XPNPEP3: variants seen among roughly 807,000 people sequenced by gnomAD.
XPNPEP3 encodes xaa-Pro aminopeptidase 3.
In XPNPEP3, 41 loss-of-function variants were observed where a neutral mutation model predicts 60.0. The observed-to-expected ratio is 0.68, with a 90% CI of 0.53 to 0.89. The LOEUF (loss-of-function observed/expected upper bound fraction) is 0.89. Ranked by LOEUF, XPNPEP3 falls within the 40% of genes least tolerant of loss-of-function variation. XPNPEP3 has a pLI of 0.00. For missense variants in XPNPEP3, 598 were observed against 638.9 expected, an observed-to-expected ratio of 0.94 and a Z score of 0.69; for synonymous variants, 212 against 223.2, an observed-to-expected ratio of 0.95 and a Z score of 0.45.
chr22:40,894,993 C>G (rs1237129377), intron 4 of XPNPEP3, among the ~76,000 whole-genome samples: 3 of 152,146 alleles, frequency 2.0e-5, no homozygotes, highest in Non-Finnish European at 4.4e-5. Flanking sequence ...ATGATTATAG[C>G]CTATAATTCA....
chr22:40,881,205 A>G (rs2058046757), intron 2 of XPNPEP3, among the ~76,000 whole-genome samples: 1 of 151,700 alleles, frequency 6.6e-6, no homozygotes. Flanking sequence ...ACCACCACAC[A>G]TGGCTAATTT....
intron 6 of XPNPEP3, among the ~76,000 whole-genome samples, chr22:40,912,752 C>T (rs1321693234): frequency 2.0e-5 from 3 of 152,100 alleles, no homozygotes; most frequent in Non-Finnish European, 4.4e-5. Flanking sequence ...CGCCTGTAGT[C>T]CCAGCTACTC....
chr22:40,875,623 CTGTT>C (rs956114179), intron 2 of XPNPEP3, among the ~76,000 whole-genome samples: 81 of 151,932 alleles, frequency 5.3e-4, no homozygotes, highest in African/African-American at 1.2e-3. Flanking sequence ...GAGGATTTCC[CTGTT>C]TGTTTGTTTG....
chr22:40,886,038 C>G (rs562182793), intron 3 of XPNPEP3, among the ~76,000 whole-genome samples: 2 of 152,068 alleles, frequency 1.3e-5, no homozygotes, highest in African/African-American at 4.8e-5. Context: ...GCTTTAGTCC[C>G]GTATCATCCT....
At chr22:40,893,620 G>GT (rs1033952052) in intron 4 of XPNPEP3, among the ~76,000 whole-genome samples, 9 of 143,074 alleles carry the variant, frequency 6.3e-5, no homozygotes, top group African/African-American at 2.1e-4. Context: ...TTTCTTTTTT[G>GT]TTTTTTGTGT....
At chr22:40,919,200 GA>G (rs1474823531) in intron 7 of XPNPEP3, among the ~76,000 whole-genome samples, 3 of 152,118 alleles carry the variant, frequency 2.0e-5, no homozygotes, top group Non-Finnish European at 2.9e-5. Context: ...GTAGATTGGA[GA>G]CAGCAGAAGT....
At chr22:40,899,921 G>T (rs964569855) in intron 4 of XPNPEP3, among the ~76,000 whole-genome samples, 4 of 150,540 alleles carry the variant, frequency 2.7e-5, no homozygotes, top group African/African-American at 9.8e-5. Context: ...CTGTAATCCC[G>T]AATACTCGGG....
At chr22:40,910,832 C>T (rs753304334) in intron 6 of XPNPEP3, among the ~76,000 whole-genome samples, 9 of 151,840 alleles carry the variant, frequency 5.9e-5, no homozygotes, top group Non-Finnish European at 1.3e-4. Flanking sequence ...GGTGAAACCC[C>T]GTCTCTACTA....
chr22:40,899,811 C>CT (rs910393476), intron 4 of XPNPEP3, among the ~76,000 whole-genome samples: 22 of 120,340 alleles, frequency 1.8e-4, no homozygotes, highest in Middle Eastern at 4.9e-3. Context: ...GAGCGAGACT[C>CT]TATCTCAAAA....
rs764114832 is a variant in XPNPEP3, at chr22:40,893,505, CAAA to C, written c.792+7011_792+7013del. 2.0e-4 allele frequency among the ~76,000 whole-genome samples: 8 copies of C among 40,248 alleles called. 1 individual carries two copies. The highest frequency in any genetic ancestry group is 1.6e-3 in the Admixed American group (6 of 3,832). 26.4% of individuals were successfully genotyped at this position (40,248 alleles called of 152,430 possible). ...GGGCAATAAGAGTGAAACTCTATCTCAAAAAAAAAAAAAAAAAAAAAAAGATGC... is the reference window on the plus strand; with the variant it reads ...GGGCAATAAGAGTGAAACTCTATCTCAAAAAAAAAAAAAAAAAAAAGATGC... On this transcript the variant is annotated intron_variant, in intron 4 of 9. Transcript: ENST00000357137.
rs2057946631 is a variant in XPNPEP3, at chr22:40,861,507, A to G, written c.64+4262A>G. On this transcript the variant is annotated intron_variant, in intron 1 of 9. Transcript: ENST00000357137. ...GAAAGAAGTAAGGCCTTCATGCCCC[A>G]ATGAACCCTGTGATGTATATCCTGT... 1 of 1,614,074 alleles carries G rather than the reference A, an allele frequency of 6.2e-7. No homozygotes were observed. Among genetic ancestry groups the G allele is most frequent in the Non-Finnish European group, 8.5e-7 (1 of 1,180,042 alleles).
At chr22:40,862,778 T>G (rs1461590516) in intron 1 of XPNPEP3, 1 of 983,964 alleles carries the variant, frequency 1.0e-6, no homozygotes, top group East Asian at 1.1e-4. Flanking sequence ...ATGTATTCAC[T>G]GTATAATTAT....
At chr22:40,892,604 A>T (rs1012913840) in intron 4 of XPNPEP3, among the ~76,000 whole-genome samples, 4 of 152,178 alleles carry the variant, frequency 2.6e-5, no homozygotes, top group African/African-American at 9.7e-5. Flanking sequence ...GGAACATGAC[A>T]TGTTGTCGCC....
At chr22:40,889,097 C>T (rs1046592018) in intron 4 of XPNPEP3, among the ~76,000 whole-genome samples, 1 of 151,824 alleles carries the variant, frequency 6.6e-6, no homozygotes, top group African/African-American at 2.4e-5. Flanking sequence ...ATGGTGAGAT[C>T]ATAGCTTACT....
Position 40,861,849 on chromosome 22 carries a change from ACTT to A in XPNPEP3, c.64+4608_64+4610del, listed in dbSNP as rs548267827. The A allele has an allele frequency of 1.0e-4, 161 of 1,613,864 alleles. 1 individual carries two copies. In the East Asian group the frequency reaches 2.7e-3, roughly 27 times the overall value. ...TGATAATACCTCGTATGCCTCAGCT[ACTT>A]CTTTGAATTTTCTCTCTGCTTCTTC... On this transcript the variant is annotated intron_variant, in intron 1 of 9. Transcript: ENST00000357137.
intron 2 of XPNPEP3, among the ~76,000 whole-genome samples, chr22:40,880,626 G>T (rs1486675996): frequency 6.6e-6 from 1 of 151,790 alleles, no homozygotes; most frequent in African/African-American, 2.4e-5. Context: ...ATCTACAACT[G>T]TACAGTGTGT....
chr22:40,931,732 G>A lies in XPNPEP3; in HGVS notation c.*5297G>A, dbSNP rs2058255402. 1 of 151,990 alleles carries A rather than the reference G, an allele frequency of 6.6e-6. No individual in the cohort carries two copies. The highest frequency in any genetic ancestry group is 6.6e-5 in the Admixed American group (1 of 15,222). 9.4% of individuals were successfully genotyped at this position (151,990 alleles called of 1,614,324 possible). A position where few individuals can be genotyped will look rare whatever the true frequency, so the allele number is the denominator to read the frequency against. Reference sequence around the variant, plus strand: ...TCAATAAAAAAGAAGAGAAAAACTGGAGTGAGAACTCTCCTCCTCTCATAA... The same window carrying A: ...TCAATAAAAAAGAAGAGAAAAACTGAAGTGAGAACTCTCCTCCTCTCATAA... On this transcript the variant is annotated 3_prime_UTR_variant, in exon 10 of 10. Transcript: ENST00000357137.
intron 6 of XPNPEP3, among the ~76,000 whole-genome samples, chr22:40,913,401 G>GCAC (rs1005940817): frequency 6.8e-6 from 1 of 147,988 alleles, no homozygotes; most frequent in African/African-American, 2.5e-5. Context: ...TCACACCACT[G>GCAC]CACTCCAGCC....
intron 4 of XPNPEP3, among the ~76,000 whole-genome samples, chr22:40,900,119 CA>C (rs1394018904): frequency 5.3e-5 from 8 of 151,884 alleles, no homozygotes; most frequent in African/African-American, 1.9e-4. Flanking sequence ...CTTAAGAGCT[CA>C]AATTATAAAA....
Sources: gnomAD v4.1 joint callset for allele counts (sites outside exome capture counted in the v4.1 genomes callset) on GRCh38, gnomAD v4.1.1 for gene constraint, MANE v1.5 for transcripts, NCBI Gene and HGNC (gene_info 2026-07-23, HGNC 2026-07-21) for gene names.